LRP1B: variants seen among roughly 807,000 people sequenced by gnomAD.
The protein encoded by LRP1B is LDL receptor related protein 1B, also known as low-density lipoprotein receptor-related protein 1B.
A neutral mutation model predicts 556.6 loss-of-function variants in LRP1B; 217 were observed. The ratio of observed to expected loss-of-function variants is 0.39; its 90% CI spans 0.35 to 0.44. The LOEUF is 0.44. Ranked by LOEUF, LRP1B falls within the 20% of genes least tolerant of loss-of-function variation. LRP1B has a pLI of 1.00. For missense variants in LRP1B, 5,053 were observed against 5,620.8 expected, an observed-to-expected ratio of 0.90 and a Z score of 3.23; for synonymous variants, 2,047 against 1,865.8, an observed-to-expected ratio of 1.10 and a Z score of -2.50.
At chr2:141,456,635 T>C (rs777503683) in intron 3 of LRP1B, among the ~76,000 whole-genome samples, 11 of 152,336 alleles carry the variant, frequency 7.2e-5, no homozygotes, top group Non-Finnish European at 1.5e-4. Context: ...TGCAATAAGA[T>C]ATGAAATGAA....
chr2:140,564,709 T>C (rs1379403302), intron 43 of LRP1B, among the ~76,000 whole-genome samples: 1 of 152,050 alleles, frequency 6.6e-6, no homozygotes, highest in Non-Finnish European at 1.5e-5. Flanking sequence ...AATTTTTAAA[T>C]AGAGAAACAA....
chr2:141,006,127 C>A (rs1465950800), intron 14 of LRP1B, among the ~76,000 whole-genome samples: 1 of 151,958 alleles, frequency 6.6e-6, no homozygotes, highest in Non-Finnish European at 1.5e-5. Flanking sequence ...ATGTGAGGCA[C>A]CCTTGCAGAC....
intron 41 of LRP1B, among the ~76,000 whole-genome samples, chr2:140,602,198 A>T (rs549537110): frequency 9.2e-6 from 1 of 109,004 alleles, no homozygotes; most frequent in African/African-American, 3.4e-5. Context: ...TATCCAACTA[A>T]TGAGATAAAA....
chr2:141,812,900 A>G (rs571001765), intron 1 of LRP1B, among the ~76,000 whole-genome samples: 1 of 152,218 alleles, frequency 6.6e-6, no homozygotes, highest in South Asian at 2.1e-4. Flanking sequence ...AGACTTAAAC[A>G]ATGGATGGCA....
intron 22 of LRP1B, among the ~76,000 whole-genome samples, chr2:140,905,656 GGTGGC>G (rs1317890283): frequency 6.6e-6 from 1 of 152,012 alleles, no homozygotes; most frequent in Non-Finnish European, 1.5e-5. Context: ...ATCTAACCCA[GGTGGC>G]GTAATCTTGT....
At chr2:141,096,621 G>A (rs550789982) in intron 7 of LRP1B, among the ~76,000 whole-genome samples, 2,143 of 39,738 alleles carry the variant, frequency 0.054, 99 homozygotes, top group Admixed American at 0.1. Context: ...ACAAAGACGG[G>A]GAGAGGGGGA....
chr2:141,138,456 T>C (rs1394579907), intron 7 of LRP1B, among the ~76,000 whole-genome samples: 1 of 151,924 alleles, frequency 6.6e-6, no homozygotes, highest in African/African-American at 2.4e-5. Flanking sequence ...AAGACAACCA[T>C]GTTTAGAAAA....
At chr2:141,409,877 G>T (rs1432235219) in intron 3 of LRP1B, among the ~76,000 whole-genome samples, 6 of 151,976 alleles carry the variant, frequency 3.9e-5, no homozygotes, top group African/African-American at 1.4e-4. Context: ...ACAATAACTT[G>T]AGAAGAGAGA....
At chr2:140,364,576 G>T (rs907773388) in intron 72 of LRP1B, 85 bp downstream of exon 72, 18 of 1,498,410 alleles carry the variant, frequency 1.2e-5, no homozygotes, top group Admixed American at 2.0e-5. Context: ...ATAATTGGTA[G>T]TTCACCTCCC....
intron 1 of LRP1B, among the ~76,000 whole-genome samples, chr2:141,850,980 T>C (rs1292939404): frequency 6.6e-6 from 1 of 151,694 alleles, no homozygotes; most frequent in African/African-American, 2.4e-5. Context: ...GCTGACAGCC[T>C]TCCCATAAAA....
At chr2:141,657,051 A>T (rs531610461) in intron 2 of LRP1B, among the ~76,000 whole-genome samples, 22 of 152,230 alleles carry the variant, frequency 1.4e-4, no homozygotes, top group Non-Finnish European at 2.8e-4. Context: ...TCCTTCACAT[A>T]AAACTACAGC....
chr2:141,902,750 ATAGAGAT>A (rs1699656192), intron 1 of LRP1B, among the ~76,000 whole-genome samples: 2 of 152,014 alleles, frequency 1.3e-5, no homozygotes, highest in South Asian at 4.1e-4. Context: ...GTTAACTTCC[ATAGAGAT>A]TACAATATTT....
intron 1 of LRP1B, among the ~76,000 whole-genome samples, chr2:141,828,265 A>G (rs1006178400): frequency 8.5e-5 from 13 of 152,124 alleles, no homozygotes; most frequent in Admixed American, 7.9e-4. Flanking sequence ...ATTATGGTAA[A>G]ATTATGAAAA....
chr2:140,920,155 A>G (rs1405633315), intron 21 of LRP1B, among the ~76,000 whole-genome samples: 1 of 151,948 alleles, frequency 6.6e-6, no homozygotes, highest in Non-Finnish European at 1.5e-5. Flanking sequence ...CTGAAAATTC[A>G]CTTCCCTTTT....
chr2:141,456,768 T>C (rs1026513904), intron 3 of LRP1B, among the ~76,000 whole-genome samples: 7 of 152,196 alleles, frequency 4.6e-5, no homozygotes, highest in African/African-American at 1.7e-4. Context: ...GCAAAAGTAT[T>C]TCAAGTAGTG....
chr2:141,420,626 A>T (rs115585254), intron 3 of LRP1B, among the ~76,000 whole-genome samples: 1 of 152,176 alleles, frequency 6.6e-6, no homozygotes, highest in Non-Finnish European at 1.5e-5. Flanking sequence ...CAAGGCAGGT[A>T]AGACATATTC....
intron 37 of LRP1B, among the ~76,000 whole-genome samples, chr2:140,703,974 A>G (rs1323500291): frequency 6.6e-6 from 1 of 152,146 alleles, no homozygotes; most frequent in Non-Finnish European, 1.5e-5. Flanking sequence ...ATATGAGTGC[A>G]TGTGTCTTTT....
chr2:141,371,779 G>C (rs534246448), intron 3 of LRP1B, among the ~76,000 whole-genome samples: 7 of 151,914 alleles, frequency 4.6e-5, no homozygotes, highest in African/African-American at 2.4e-5. Context: ...GGAGTCTTTA[G>C]GTTTTTCTAG....
intron 1 of LRP1B, among the ~76,000 whole-genome samples, chr2:141,890,295 A>G (rs1699243158): frequency 8.3e-6 from 1 of 120,534 alleles, no homozygotes; most frequent in South Asian, 2.7e-4. Context: ...CACTTAGCAC[A>G]GTGGCTGTCA....
Sources: allele counts gnomAD v4.1 joint callset (sites outside exome capture counted in the v4.1 genomes callset), GRCh38; gene constraint gnomAD v4.1.1; transcripts MANE v1.5; gene names NCBI Gene and HGNC (gene_info 2026-07-23, HGNC 2026-07-21).